NEK5: variants seen among roughly 807,000 people sequenced by gnomAD.
The protein encoded by NEK5 is serine/threonine-protein kinase Nek5.
A neutral mutation model predicts 109.2 loss-of-function variants in NEK5; 88 were observed. The observed-to-expected ratio is 0.81, with a 90% CI of 0.68 to 0.96. The LOEUF (loss-of-function observed/expected upper bound fraction) is 0.96, where lower values mean the gene tolerates loss of function less well. Ranked by LOEUF, NEK5 falls within the 40% of genes least tolerant of loss-of-function variation. The pLI is 0.00. For missense variants in NEK5, 834 were observed against 920.7 expected (o/e 0.91, Z 1.22); for synonymous variants, 283 against 299.9 (o/e 0.94, Z 0.58).
intron 20 of NEK5, among the ~76,000 whole-genome samples, chr13:52,070,794 C>T (rs1954772039): frequency 6.6e-6 from 1 of 152,090 alleles, no homozygotes; most frequent in Admixed American, 6.6e-5. Context: ...GCAAATAAGG[C>T]AATACAGCAA....
chr13:52,063,830 C>T (rs922762647), intron 21 of NEK5, among the ~76,000 whole-genome samples: 14 of 150,638 alleles, frequency 9.3e-5, no homozygotes, highest in Non-Finnish European at 1.9e-4. Context: ...GGAGCCCCTT[C>T]GCCCGGCAGC....
At chr13:52,048,025 C>T (rs757238128) in intron 23 of NEK5, among the ~76,000 whole-genome samples, 2 of 152,048 alleles carry the variant, frequency 1.3e-5, no homozygotes, top group Non-Finnish European at 2.9e-5. Context: ...TGTTAAAGGA[C>T]AGAAAATTAC....
In NEK5 at chr13:52,114,731, A is replaced by G. The variant is rs116698911; in HGVS notation, c.215-2366T>C. Among the ~76,000 whole-genome samples, 276 of 152,322 alleles carry G rather than the reference A, an allele frequency of 1.8e-3. 2 individuals are homozygous for G. Among genetic ancestry groups the G allele is most frequent in the African/African-American group, 6.2e-3 (258 of 41,590 alleles). Reference sequence around the variant, plus strand: ...GACTGGAGATCTAGGAAGGGTTCTGAGAAGATGCTTCCCCATATGCCTTAA... The same window carrying G: ...GACTGGAGATCTAGGAAGGGTTCTGGGAAGATGCTTCCCCATATGCCTTAA... On this transcript the variant is annotated intron_variant, in intron 4 of 23. Coordinates refer to ENST00000684899, the MANE Select transcript of NEK5 (RefSeq NM_001365552.1).
chr13:52,046,952 G>A (rs1593916289), intron 23 of NEK5, among the ~76,000 whole-genome samples: 1 of 152,010 alleles, frequency 6.6e-6, no homozygotes, highest in Non-Finnish European at 1.5e-5. Flanking sequence ...GCCCATGAAC[G>A]AATTTTCCTG....
At chr13:52,096,762 A>T (rs1955425426) in intron 12 of NEK5, among the ~76,000 whole-genome samples, 1 of 152,236 alleles carries the variant, frequency 6.6e-6, no homozygotes, top group Non-Finnish European at 1.5e-5. Flanking sequence ...TCTGGGGAGC[A>T]ATTCAAACCA....
In NEK5 at chr13:52,064,176, T is replaced by TG. The variant is rs538346016; in HGVS notation, c.1975+1307dup. Among the ~76,000 whole-genome samples, 42 of 73,372 alleles carry TG rather than the reference T, an allele frequency of 5.7e-4. 1 individual carries two copies. In the South Asian group the frequency reaches 0.012, roughly 22 times the overall value. 48.1% of individuals were successfully genotyped at this position (73,372 alleles called of 152,430 possible). A position where few individuals can be genotyped will look rare whatever the true frequency, so the allele number is the denominator to read the frequency against. On this transcript the variant is annotated intron_variant, in intron 21 of 23. Coordinates refer to ENST00000684899, the MANE Select transcript of NEK5 (RefSeq NM_001365552.1). ...CCAGCCGCCCTGTCCGGGAGGGAGGTGGGGGGGTCAGCCCCCCGCCCGGCC... is the reference window on the plus strand; with the variant it reads ...CCAGCCGCCCTGTCCGGGAGGGAGGTGGGGGGGGTCAGCCCCCCGCCCGGCC...
At chr13:52,083,204 C>T in intron 17 of NEK5, 56 bp downstream of exon 17, 2 of 1,221,994 alleles carry the variant, frequency 1.6e-6, no homozygotes, top group Non-Finnish European at 2.4e-6. Flanking sequence ...GTAAGAGCCA[C>T]TTGGGGTAGA....
chr13:52,040,081 C>CTTT (rs59617490), intron 23 of NEK5, among the ~76,000 whole-genome samples: 4 of 120,372 alleles, frequency 3.3e-5, no homozygotes, highest in African/African-American at 9.1e-5. Context: ...TCTACTGGCA[C>CTTT]TTTTTTTTTT....
At chr13:52,103,985 G>T (rs1955596274) in intron 9 of NEK5, among the ~76,000 whole-genome samples, 1 of 151,000 alleles carries the variant, frequency 6.6e-6, no homozygotes, top group South Asian at 2.1e-4. Context: ...TTTTTTAGAT[G>T]GAGTCTCGCT....
At chr13:52,092,970 A>T in intron 13 of NEK5, 84 bp downstream of exon 13, 3 of 890,692 alleles carry the variant, frequency 3.4e-6, no homozygotes, top group Non-Finnish European at 5.1e-6. Context: ...TTGTGTTAGG[A>T]GAATTTGGAT....
chr13:52,079,187 G>C (rs1437934660), intron 17 of NEK5, among the ~76,000 whole-genome samples: 1 of 148,924 alleles, frequency 6.7e-6, no homozygotes, highest in African/African-American at 2.5e-5. Context: ...GAGAAGAGAG[G>C]GAAGGGATAT....
At chr13:52,069,004 A>G (rs994756853) in intron 20 of NEK5, among the ~76,000 whole-genome samples, 5 of 152,180 alleles carry the variant, frequency 3.3e-5, no homozygotes, top group Middle Eastern at 3.4e-3. Context: ...AAGAAAAAAA[A>G]AGGAGAAATA....
intron 8 of NEK5, 136 bp from the exon 9 acceptor site, chr13:52,104,688 T>C: frequency 3.0e-6 from 2 of 676,766 alleles, no homozygotes; most frequent in East Asian, 5.1e-5. Flanking sequence ...TGCTTTCAGA[T>C]ATATCATCAA....
chr13:52,066,760 C>G (rs141398847), intron 20 of NEK5, among the ~76,000 whole-genome samples: 1 of 151,024 alleles, frequency 6.6e-6, no homozygotes, highest in Non-Finnish European at 1.5e-5. Context: ...GCCGAGATCA[C>G]GCCTTTGCAC....
intron 19 of NEK5, 30 bp downstream of exon 19, chr13:52,075,728 A>T (rs770625360): frequency 1.5e-6 from 2 of 1,312,644 alleles, no homozygotes; most frequent in Admixed American, 2.2e-5. Flanking sequence ...TCTGATACCT[A>T]CTAATGGAAA....
chr13:52,123,014 G>A (rs1166948062), intron 3 of NEK5, among the ~76,000 whole-genome samples: 1 of 152,134 alleles, frequency 6.6e-6, no homozygotes, highest in Non-Finnish European at 1.5e-5. Context: ...GAGCCCAGAA[G>A]GAAAAGAACA....
chr13:52,101,153 C>G (rs533159374), intron 11 of NEK5, among the ~76,000 whole-genome samples: 187 of 152,290 alleles, frequency 1.2e-3, no homozygotes, highest in Non-Finnish European at 2.4e-3. Flanking sequence ...AATCCCAGCA[C>G]TTTGGGAGGC....
At chr13:52,098,445 G>A (rs939179203) in intron 12 of NEK5, among the ~76,000 whole-genome samples, 14 of 151,944 alleles carry the variant, frequency 9.2e-5, no homozygotes, top group African/African-American at 3.4e-4. Context: ...ATTTAACCAT[G>A]AGCCTTCTTT....
chr13:52,050,617 T>G (rs1441913735), intron 22 of NEK5, among the ~76,000 whole-genome samples: 2 of 151,734 alleles, frequency 1.3e-5, no homozygotes, highest in African/African-American at 2.4e-5. Flanking sequence ...TCATCTTTTT[T>G]TTTTTTTTTG....
Sources: allele counts gnomAD v4.1 joint callset (sites outside exome capture counted in the v4.1 genomes callset), GRCh38; gene constraint gnomAD v4.1.1; transcripts MANE v1.5; gene names NCBI Gene and HGNC (gene_info 2026-07-23, HGNC 2026-07-21).